FAIM: variants seen among roughly 807,000 people sequenced by gnomAD.
The protein encoded by FAIM is Fas apoptotic inhibitory molecule.
A neutral mutation model predicts 21.2 loss-of-function variants in FAIM; 14 were observed. That is an observed-to-expected ratio of 0.66 (90% confidence interval 0.44 to 1.03). The LOEUF (loss-of-function observed/expected upper bound fraction) is 1.03. FAIM is among the 50% of genes least tolerant of loss of function. FAIM has a pLI of 0.00. For missense variants in FAIM, 222 were observed against 247.1 expected, an observed-to-expected ratio of 0.90 and a Z score of 0.68; for synonymous variants, 86 against 80.4, an observed-to-expected ratio of 1.07 and a Z score of -0.37.
chr3:138,611,678 C>T (rs2042770760), intron 1 of FAIM, among the ~76,000 whole-genome samples: 1 of 152,150 alleles, frequency 6.6e-6, no homozygotes, highest in South Asian at 2.1e-4. Context: ...TACATTAATG[C>T]CCTCCCTTGG....
At chr3:138,632,010 T>A (rs1035837918) in intron 5 of FAIM, among the ~76,000 whole-genome samples, 1 of 152,054 alleles carries the variant, frequency 6.6e-6, no homozygotes, top group African/African-American at 2.4e-5. Context: ...GGGGTTTAAG[T>A]CTGATTTTTG....
intron 1 of FAIM, among the ~76,000 whole-genome samples, chr3:138,609,532 A>AAC (rs750653015): frequency 0.66 from 13,405 of 20,334 alleles, 4,928 homozygotes; most frequent in Admixed American, 0.78. Context: ...AAAGTGCTGA[A>AAC]ACTCTCTCTC....
intron 3 of FAIM, 36 bp downstream of exon 3, chr3:138,621,575 A>G: frequency 1.9e-6 from 3 of 1,575,280 alleles, no homozygotes; most frequent in Non-Finnish European, 2.6e-6. Flanking sequence ...AAAATATGAT[A>G]TATAGAGAAA....
chr3:138,609,711 T>G (rs148525779), intron 1 of FAIM, among the ~76,000 whole-genome samples: 8 of 151,702 alleles, frequency 5.3e-5, no homozygotes, highest in African/African-American at 1.9e-4. Context: ...CTTTGGACTG[T>G]GATTTACTAA....
chr3:138,613,602 G>T (rs2042794774), intron 1 of FAIM, among the ~76,000 whole-genome samples: 1 of 152,058 alleles, frequency 6.6e-6, no homozygotes. Context: ...TCCCACTTCA[G>T]CCTCCCATGT....
Position 138,622,400 on chromosome 3 carries a change from C to T in FAIM, c.390C>T (p.Asn130=). The change falls in exon 4 of 6, where the codon AAC becomes AAT. Residue 130 remains asparagine, a synonymous_variant. Coordinates refer to ENST00000360570, the MANE Select transcript of FAIM (RefSeq NM_001033031.2). Reference sequence around the variant, plus strand: ...GGGTATTACACATGGATGGTGAGAACTTTAGAATTGTTTTGGGTAAGTTAG... The same window carrying T: ...GGGTATTACACATGGATGGTGAGAATTTTAGAATTGTTTTGGGTAAGTTAG... The part of the protein sequence containing the change: ...NTWVLHMDGE[N]FRIVLEKDAM... 1 of 1,594,184 alleles carries T rather than the reference C, an allele frequency of 6.3e-7. No homozygotes were observed. The highest frequency in any genetic ancestry group is 8.5e-7 in the Non-Finnish European group (1 of 1,172,702).
chr3:138,618,481 AC>A (rs908856313), intron 1 of FAIM, among the ~76,000 whole-genome samples: 33 of 152,220 alleles, frequency 2.2e-4, no homozygotes, highest in African/African-American at 7.9e-4. Flanking sequence ...AGCCTGACCA[AC>A]ATGGCAAAAC....
intron 1 of FAIM, among the ~76,000 whole-genome samples, chr3:138,609,578 A>ACCTCCCTCTC (rs2042739889): frequency 2.1e-4 from 1 of 4,700 alleles, no homozygotes; most frequent in Admixed American, 3.4e-3. Flanking sequence ...CTCTCTCTCG[A>ACCTCCCTCTC]CTCTCTCTCT....
chr3:138,614,593 G>A (rs913867814), intron 1 of FAIM, among the ~76,000 whole-genome samples: 6 of 152,120 alleles, frequency 3.9e-5, no homozygotes, highest in African/African-American at 1.4e-4. Flanking sequence ...CTCCCCTTGA[G>A]AAAACAAATA....
intron 1 of FAIM, chr3:138,611,159 A>G (rs957960936): frequency 7.3e-6 from 6 of 822,648 alleles, no homozygotes; most frequent in African/African-American, 1.7e-5. Context: ...TATGTGACAG[A>G]TATTTCTGAG....
At chr3:138,611,938 C>T (rs917065395) in intron 1 of FAIM, among the ~76,000 whole-genome samples, 17 of 152,118 alleles carry the variant, frequency 1.1e-4, no homozygotes, top group Non-Finnish European at 2.2e-4. Flanking sequence ...TATGCAACCT[C>T]GGGTATTCCT....
chr3:138,612,832 G>GCC (rs2042785070), intron 1 of FAIM, among the ~76,000 whole-genome samples: 1 of 152,074 alleles, frequency 6.6e-6, no homozygotes, highest in African/African-American at 2.4e-5. Context: ...CCACATCCTT[G>GCC]CCAACACTGA....
chr3:138,612,814 C>T (rs576303261), intron 1 of FAIM, among the ~76,000 whole-genome samples: 2 of 152,254 alleles, frequency 1.3e-5, no homozygotes, highest in Admixed American at 1.3e-4. Flanking sequence ...ACAAGGATTC[C>T]AGTTTTTCCA....
At chr3:138,621,628 C>CT (rs968210454) in intron 3 of FAIM, 89 bp downstream of exon 3, 52 of 1,189,518 alleles carry the variant, frequency 4.4e-5, no homozygotes, top group Non-Finnish European at 5.0e-5. Flanking sequence ...GAATTCAGGG[C>CT]TTTTTTTTCT....
chr3:138,617,153 A>T (rs757651107), intron 1 of FAIM, among the ~76,000 whole-genome samples: 3 of 151,838 alleles, frequency 2.0e-5, no homozygotes, highest in Non-Finnish European at 4.4e-5. Context: ...AAAAGGTATT[A>T]TAATTAAGAT....
intron 4 of FAIM, among the ~76,000 whole-genome samples, chr3:138,626,746 A>G (rs2108352865): frequency 6.6e-6 from 1 of 152,286 alleles, no homozygotes; most frequent in African/African-American, 2.4e-5. Context: ...TGGGTCAAAG[A>G]CTAATTGTAT....
chr3:138,611,375 T>C (rs2042767008), intron 1 of FAIM, among the ~76,000 whole-genome samples: 1 of 152,194 alleles, frequency 6.6e-6, no homozygotes, highest in African/African-American at 2.4e-5. Flanking sequence ...ATTAACTTTT[T>C]GAAGTGGTAA....
chr3:138,619,682 T>G lies in FAIM; in HGVS notation c.-16-29T>G, dbSNP rs756059216. ...CTTTCTTTGCTGCAATTCTGCTTTT[T>G]TCTTTCCTGGCTGCTAATTGGATTA... On this transcript the variant is annotated intron_variant, in intron 1 of 5. Coordinates refer to ENST00000360570, the MANE Select transcript of FAIM (RefSeq NM_001033031.2). 4 of 1,608,108 alleles carry G rather than the reference T, an allele frequency of 2.5e-6. No homozygotes were observed. The African/African-American group carries it at 5.4e-5, about 22-fold the overall frequency.
At position 138,621,443 on chromosome 3, in the gene FAIM, A is replaced by G; in HGVS notation, c.81A>G (p.Val27=). ...GCCTAGAAAAAATGACAGATCTCGTAGCTGTTTGGGATGTTGCTTTAAGTG... is the reference window on the plus strand; with the variant it reads ...GCCTAGAAAAAATGACAGATCTCGTGGCTGTTTGGGATGTTGCTTTAAGTG... ...PYSLEKMTDL[V]AVWDVALSDG... Residue 27 remains valine, a synonymous_variant, in exon 3 of 6, where the codon GTA becomes GTG. Coordinates refer to ENST00000360570, the MANE Select transcript of FAIM (RefSeq NM_001033031.2). 1.2e-6 allele frequency: 2 copies of G among 1,614,010 alleles called. No homozygotes were observed. The highest frequency in any genetic ancestry group is 1.7e-6 in the Non-Finnish European group (2 of 1,179,962).
Sources: gnomAD v4.1 joint callset for allele counts (sites outside exome capture counted in the v4.1 genomes callset) on GRCh38, gnomAD v4.1.1 for gene constraint, MANE v1.5 for transcripts, NCBI Gene and HGNC (gene_info 2026-07-23, HGNC 2026-07-21) for gene names.